CDC14A: variants seen among roughly 807,000 people sequenced by gnomAD.
The protein encoded by CDC14A is dual specificity protein phosphatase CDC14A.
CDC14A carries 53 observed loss-of-function variants against 74.4 expected under a neutral mutation model. The observed-to-expected ratio is 0.71, with a 90% CI of 0.57 to 0.89. CDC14A has a LOEUF of 0.89. CDC14A is among the 40% of genes least tolerant of loss of function. CDC14A has a pLI of 0.00. For missense variants in CDC14A, 646 were observed against 713.7 expected, an observed-to-expected ratio of 0.91 and a Z score of 1.08; for synonymous variants, 247 against 258.4, an observed-to-expected ratio of 0.96 and a Z score of 0.43.
chr1:100,485,161 A>T, intron 11 of CDC14A: 1 of 985,426 alleles, frequency 1.0e-6, no homozygotes, highest in Non-Finnish European at 1.2e-6. Flanking sequence ...AACTAGAAAC[A>T]ACGTTGAAAC....
chr1:100,494,078 T>G (rs10783132), intron 11 of CDC14A, among the ~76,000 whole-genome samples: 142,433 of 152,214 alleles, frequency 0.94, 67,181 homozygotes, highest in Non-Finnish European at 1. Context: ...CTTGGGACAA[T>G]AAATCTAATT....
intron 2 of CDC14A, among the ~76,000 whole-genome samples, chr1:100,376,183 G>A (rs1655235859): frequency 6.6e-6 from 1 of 152,176 alleles, no homozygotes; most frequent in East Asian, 1.9e-4. Context: ...GGATAGCATT[G>A]GGAGCTATAC....
intron 11 of CDC14A, chr1:100,485,464 C>A: frequency 3.7e-6 from 1 of 270,182 alleles, no homozygotes; most frequent in Non-Finnish European, 5.7e-6. Flanking sequence ...ACTTGGGAGA[C>A]TGAGGTGGGA....
chr1:100,471,139 T>C (rs992739197), intron 10 of CDC14A, among the ~76,000 whole-genome samples: 1 of 152,012 alleles, frequency 6.6e-6, no homozygotes, highest in African/African-American at 2.4e-5. Flanking sequence ...ATGAATATCA[T>C]ATTATTGTAA....
chr1:100,424,638 A>G (rs1662740383), intron 5 of CDC14A, among the ~76,000 whole-genome samples: 1 of 152,110 alleles, frequency 6.6e-6, no homozygotes, highest in Non-Finnish European at 1.5e-5. Context: ...TCATCCATTC[A>G]TTCTTTCATT....
At chr1:100,351,810 T>TAA, upstream of CDC14A, 1 of 1,549,956 alleles carries the variant, frequency 6.5e-7, no homozygotes. Flanking sequence ...CAGAGTCTGG[T>TAA]ATGTGTAGAG....
intron 2 of CDC14A, among the ~76,000 whole-genome samples, chr1:100,363,928 G>A (rs1487828883): frequency 1.3e-5 from 2 of 152,136 alleles, no homozygotes; most frequent in African/African-American, 2.4e-5. Flanking sequence ...GCCAAGGTGG[G>A]CAGATTGCTC....
At chr1:100,408,592 A>G (rs1660251644) in intron 4 of CDC14A, among the ~76,000 whole-genome samples, 1 of 151,928 alleles carries the variant, frequency 6.6e-6, no homozygotes, top group African/African-American at 2.4e-5. Context: ...ATATTTTTTG[A>G]CTTTTTAATA....
chr1:100,420,063 C>CATACACACACATAT (rs1553180568), intron 4 of CDC14A, among the ~76,000 whole-genome samples: 2 of 61,566 alleles, frequency 3.2e-5, no homozygotes, highest in Admixed American at 4.6e-4. Flanking sequence ...CACACACACA[C>CATACACACACATAT]ATATATATAT....
intron 11 of CDC14A, chr1:100,486,090 C>T (rs1384891359): frequency 6.6e-6 from 1 of 152,098 alleles, no homozygotes; most frequent in Non-Finnish European, 1.5e-5. Flanking sequence ...GCAAGAATAC[C>T]TTTTTCTTGC....
intron 15 of CDC14A, among the ~76,000 whole-genome samples, chr1:100,504,566 G>C (rs1462003423): frequency 6.6e-6 from 1 of 152,144 alleles, no homozygotes; most frequent in Non-Finnish European, 1.5e-5. Context: ...AACAAAAATA[G>C]GTGGTGGGTT....
chr1:100,509,095 T>C (rs1180136070), intron 15 of CDC14A, among the ~76,000 whole-genome samples: 1 of 152,146 alleles, frequency 6.6e-6, no homozygotes, highest in Non-Finnish European at 1.5e-5. Context: ...CAGTTTCTTA[T>C]GTCCTTGAAC....
At chr1:100,387,064 G>T (rs115696444) in intron 3 of CDC14A, among the ~76,000 whole-genome samples, 2,311 of 151,558 alleles carry the variant, frequency 0.015, 64 homozygotes, top group African/African-American at 0.053. Flanking sequence ...GCTAAACAAC[G>T]GACAAAATAT....
At chr1:100,458,062 C>T (rs538386525) in intron 8 of CDC14A, among the ~76,000 whole-genome samples, 13 of 152,260 alleles carry the variant, frequency 8.5e-5, no homozygotes, top group East Asian at 1.9e-4. Context: ...AGCCACCATT[C>T]GCTTACCTGC....
chr1:100,451,206 A>G (rs1362340765), intron 7 of CDC14A, among the ~76,000 whole-genome samples: 1 of 152,214 alleles, frequency 6.6e-6, no homozygotes, highest in African/African-American at 2.4e-5. Flanking sequence ...CGTCTTGAAC[A>G]TTGGAGTGGC....
chr1:100,347,284 C>G (rs577085978), intron 1 of CDC14A, among the ~76,000 whole-genome samples: 3 of 152,260 alleles, frequency 2.0e-5, no homozygotes, highest in Admixed American at 2.0e-4. Context: ...TTTTATTTTG[C>G]CATATAACCT....
intron 15 of CDC14A, among the ~76,000 whole-genome samples, chr1:100,500,316 C>T (rs1429243097): frequency 1.3e-5 from 2 of 152,156 alleles, no homozygotes; most frequent in East Asian, 1.9e-4. Context: ...TTTCCTCAGC[C>T]ATCATCTAGG....
chr1:100,476,784 C>T (rs1256813380), intron 10 of CDC14A, among the ~76,000 whole-genome samples: 2 of 152,040 alleles, frequency 1.3e-5, no homozygotes, highest in Non-Finnish European at 2.9e-5. Flanking sequence ...TAATGTCTCC[C>T]CAAATACAGG....
chr1:100,483,417 A>G (rs2101354406), intron 10 of CDC14A, among the ~76,000 whole-genome samples: 1 of 152,296 alleles, frequency 6.6e-6, no homozygotes, highest in South Asian at 2.1e-4. Context: ...GCTTTAAAAA[A>G]TATCTATGTT....
Sources: gnomAD v4.1 joint callset for allele counts (sites outside exome capture counted in the v4.1 genomes callset) on GRCh38, gnomAD v4.1.1 for gene constraint, MANE v1.5 for transcripts, NCBI Gene and HGNC (gene_info 2026-07-23, HGNC 2026-07-21) for gene names.